SRPRB: variants seen among roughly 807,000 people sequenced by gnomAD.
SRPRB encodes signal recognition particle receptor subunit beta.
SRPRB carries 20 observed loss-of-function variants against 31.9 expected under a neutral mutation model. The observed-to-expected ratio is 0.63, with a 90% CI of 0.44 to 0.91. The LOEUF is 0.91. Among genes scored for constraint, SRPRB ranks in the 40% least tolerant of loss-of-function variants. The probability of loss-of-function intolerance (pLI) is 0.00; values close to 1 mark genes in which losing one functional copy is unlikely to be tolerated. For synonymous variants in SRPRB, 146 were observed against 132.8 expected (o/e 1.10, Z -0.68); for missense variants, 321 against 324.9 (o/e 0.99, Z 0.09).
Position 133,816,890 on chromosome 3 carries a change from C to A in SRPRB, c.560C>A (p.Ala187Glu). 1.2e-6 allele frequency: 2 copies of A among 1,606,898 alleles called. No homozygotes were observed. The highest frequency in any genetic ancestry group is 2.2e-5 in the East Asian group (1 of 44,498). Residue 187 changes from alanine (A) to glutamate (E), a missense_variant, in exon 6 of 7, where the codon GCA becomes GAA. Coordinates refer to ENST00000678299, the MANE Select transcript of SRPRB (RefSeq NM_001379313.1). The part of the protein sequence containing the change: ...IACNKQDIAM[A>E]KSAKLIQQQL... ...TATTTCTTTACAGATATTGCAATGG[C>A]AAAATCAGCAAAGTTAATTCAACAG...
chr3:133,794,489 C>G (rs1934918418), intron 1 of SRPRB: 1 of 152,214 alleles, frequency 6.6e-6, no homozygotes, highest in African/African-American at 2.4e-5. Context: ...TATTATGCCA[C>G]CAAGTATTTT....
chr3:133,805,802 G>A (rs773625867), upstream of SRPRB: 15 of 1,572,480 alleles, frequency 9.5e-6, no homozygotes, highest in East Asian at 3.1e-4. Context: ...TGCGCAGAGT[G>A]CAGGGCCACG....
upstream of SRPRB, among the ~76,000 whole-genome samples, chr3:133,802,973 C>T (rs1935084949): frequency 6.6e-6 from 1 of 152,162 alleles, no homozygotes; most frequent in Non-Finnish European, 1.5e-5. Context: ...CACCCACCAC[C>T]TAGGATGCAG....
At chr3:133,808,572 G>A (rs975516726) in intron 3 of SRPRB, among the ~76,000 whole-genome samples, 1 of 152,132 alleles carries the variant, frequency 6.6e-6, no homozygotes, top group African/African-American at 2.4e-5. Context: ...ATCTTACAGA[G>A]TATATATGAG....
At chr3:133,791,725 A>G (rs919193173) in intron 1 of SRPRB, 2 of 152,088 alleles carry the variant, frequency 1.3e-5, no homozygotes, top group Non-Finnish European at 2.9e-5. Context: ...TGGGAGCTTG[A>G]CCTTGTAACC....
At chr3:133,817,398 T>C (rs1464855042) in intron 6 of SRPRB, among the ~76,000 whole-genome samples, 1 of 152,214 alleles carries the variant, frequency 6.6e-6, no homozygotes, top group Non-Finnish European at 1.5e-5. Flanking sequence ...TTGGAAATTA[T>C]TGTTGACAGA....
At chr3:133,792,246 G>A (rs1934857728) in intron 1 of SRPRB, 1 of 152,142 alleles carries the variant, frequency 6.6e-6, no homozygotes, top group Admixed American at 6.5e-5. Context: ...TCGTAAATTC[G>A]TGTCCTAAAG....
At chr3:133,811,435 C>T (rs565326921) in intron 4 of SRPRB, among the ~76,000 whole-genome samples, 1 of 152,068 alleles carries the variant, frequency 6.6e-6, no homozygotes, top group African/African-American at 2.4e-5. Context: ...AATGTTAACC[C>T]TTCTTGTCAT....
downstream of SRPRB, chr3:133,825,710 A>C (rs990336980): frequency 1.3e-5 from 2 of 152,220 alleles, no homozygotes; most frequent in Admixed American, 6.5e-5. Context: ...ATGCCTGCAG[A>C]ACAGGAGCTT....
chr3:133,823,025 C>G (rs1935499203), downstream of SRPRB, among the ~76,000 whole-genome samples: 1 of 152,244 alleles, frequency 6.6e-6, no homozygotes, highest in South Asian at 2.1e-4. Context: ...TAGCCCCATT[C>G]TGAGGTTAAG....
chr3:133,812,487 TAAAAC>T (rs1935283229), intron 4 of SRPRB, among the ~76,000 whole-genome samples: 1 of 152,228 alleles, frequency 6.6e-6, no homozygotes, highest in African/African-American at 2.4e-5. Flanking sequence ...TTTGGGTAAA[TAAAAC>T]ATGCAAAATA....
chr3:133,804,434 G>C (rs1482988830), upstream of SRPRB, among the ~76,000 whole-genome samples: 2 of 152,148 alleles, frequency 1.3e-5, no homozygotes, highest in African/African-American at 4.8e-5. Context: ...ATTCAGGGGG[G>C]TGTAAAGGAA....
chr3:133,799,556 A>G (rs1388235863), intron 1 of SRPRB, among the ~76,000 whole-genome samples: 2 of 152,238 alleles, frequency 1.3e-5, no homozygotes, highest in Non-Finnish European at 2.9e-5. Flanking sequence ...TTGCATTTTT[A>G]TGTACCATTC....
chr3:133,805,311 C>G (rs976686217), upstream of SRPRB, among the ~76,000 whole-genome samples: 1 of 152,136 alleles, frequency 6.6e-6, no homozygotes, highest in Non-Finnish European at 1.5e-5. Flanking sequence ...TTTCCTTTAA[C>G]CACTCGCAGA....
chr3:133,803,536 T>G (rs1200814606), upstream of SRPRB, among the ~76,000 whole-genome samples: 3 of 152,348 alleles, frequency 2.0e-5, no homozygotes, highest in East Asian at 5.8e-4. Context: ...AGGGTGTGCC[T>G]AAATCATATT....
At chr3:133,808,807 T>G (rs1935206848) in intron 3 of SRPRB, among the ~76,000 whole-genome samples, 1 of 150,936 alleles carries the variant, frequency 6.6e-6, no homozygotes. Flanking sequence ...TGAGAATCAT[T>G]TTAACCCGGG....
At chr3:133,823,374 C>T (rs1935505659), downstream of SRPRB, among the ~76,000 whole-genome samples, 1 of 152,218 alleles carries the variant, frequency 6.6e-6, no homozygotes, top group South Asian at 2.1e-4. Context: ...ATTCTTCTGC[C>T]TTAGCCTCCC....
At chr3:133,828,178 C>T, downstream of SRPRB, 1 of 587,960 alleles carries the variant, frequency 1.7e-6, no homozygotes, top group Middle Eastern at 4.5e-4. Context: ...AGGTTGACGA[C>T]CCACTCTGGC....
chr3:133,827,887 T>C, downstream of SRPRB: 1 of 702,428 alleles, frequency 1.4e-6, no homozygotes, highest in South Asian at 1.5e-5. Context: ...CAGGCATGTG[T>C]ACTGACTGCT....
Sources: gnomAD v4.1 joint callset for allele counts (sites outside exome capture counted in the v4.1 genomes callset) on GRCh38, gnomAD v4.1.1 for gene constraint, MANE v1.5 for transcripts, NCBI Gene and HGNC (gene_info 2026-07-23, HGNC 2026-07-21) for gene names.